AUTS2: variants seen among roughly 807,000 people sequenced by gnomAD.
The protein encoded by AUTS2 is autism susceptibility gene 2 protein.
Under a neutral mutation model 112.4 loss-of-function variants are expected in AUTS2, and 17 were observed. The ratio of observed to expected loss-of-function variants is 0.15; its 90% CI spans 0.10 to 0.23. The LOEUF (loss-of-function observed/expected upper bound fraction) is 0.23. AUTS2 is among the 10% of genes least tolerant of loss of function. AUTS2 has a pLI of 1.00. For missense variants in AUTS2, 1,510 were observed against 1,701.6 expected (o/e 0.89, Z 1.98); for synonymous variants, 751 against 702.7 (o/e 1.07, Z -1.09).
chr7:70,770,265 T>G (rs1419376534), intron 10 of AUTS2, among the ~76,000 whole-genome samples: 1 of 152,220 alleles, frequency 6.6e-6, no homozygotes, highest in Non-Finnish European at 1.5e-5. Flanking sequence ...GTGGATTTAG[T>G]TCAATATCAA....
At chr7:69,732,208 GTACT>G (rs1786828061) in intron 1 of AUTS2, among the ~76,000 whole-genome samples, 1 of 152,052 alleles carries the variant, frequency 6.6e-6, no homozygotes, top group Admixed American at 6.6e-5. Context: ...TGCCTTTAAA[GTACT>G]TACTGCTGCT....
At chr7:70,035,196 A>C (rs1346218212) in intron 2 of AUTS2, among the ~76,000 whole-genome samples, 1 of 152,188 alleles carries the variant, frequency 6.6e-6, no homozygotes, top group Non-Finnish European at 1.5e-5. Flanking sequence ...TGATGATGTG[A>C]GCTGCATGTG....
intron 5 of AUTS2, among the ~76,000 whole-genome samples, chr7:70,490,568 C>G (rs946675502): frequency 6.6e-6 from 1 of 152,122 alleles, no homozygotes; most frequent in Non-Finnish European, 1.5e-5. Flanking sequence ...AGAGTTCCCA[C>G]CGTTGAGTGG....
chr7:70,302,031 C>T (rs1301079091), intron 4 of AUTS2, among the ~76,000 whole-genome samples: 3 of 152,058 alleles, frequency 2.0e-5, no homozygotes, highest in Non-Finnish European at 2.9e-5. Context: ...GCCCACCGCA[C>T]CCAGCTGACA....
In AUTS2 at chr7:70,539,024, G is replaced by A. The variant is rs141138260; in HGVS notation, c.690+103243G>A. 7.2e-5 allele frequency among the ~76,000 whole-genome samples: 11 copies of A among 152,218 alleles called. 1 individual carries two copies. The highest frequency in any genetic ancestry group is 5.8e-4 in the East Asian group (3 of 5,170). The stretch of plus-strand genomic sequence containing the variant: ...TGGTAACATAGCCCCCTCTGGTAAC[G>A]TAGCAGACCACAGAGTGACAGGTGG... On this transcript the variant is annotated intron_variant, in intron 5 of 18. Coordinates refer to ENST00000342771, the MANE Select transcript of AUTS2 (RefSeq NM_015570.4).
At chr7:70,372,349 A>G (rs1792876296) in intron 4 of AUTS2, among the ~76,000 whole-genome samples, 1 of 152,176 alleles carries the variant, frequency 6.6e-6, no homozygotes. Flanking sequence ...GTACTTTTTT[A>G]GGGAACCCGT....
intron 5 of AUTS2, among the ~76,000 whole-genome samples, chr7:70,636,649 A>AT (rs11320215): frequency 4.7e-4 from 64 of 137,632 alleles, no homozygotes; most frequent in Non-Finnish European, 4.9e-4. Flanking sequence ...ACAAAAATAC[A>AT]TTTTTTTTTT....
At chr7:70,730,217 GTT>G (rs35397169) in intron 6 of AUTS2, among the ~76,000 whole-genome samples, 19 of 148,296 alleles carry the variant, frequency 1.3e-4, no homozygotes, top group African/African-American at 4.5e-4. Context: ...AGGACAACCA[GTT>G]TTTTTTTTTG....
chr7:69,789,303 C>G (rs983823450), intron 1 of AUTS2, among the ~76,000 whole-genome samples: 5 of 152,116 alleles, frequency 3.3e-5, no homozygotes, highest in African/African-American at 1.2e-4. Flanking sequence ...CAGACCAATT[C>G]AGTCAGAATC....
At chr7:70,569,148 AG>A (rs1480401237) in intron 5 of AUTS2, among the ~76,000 whole-genome samples, 1 of 152,124 alleles carries the variant, frequency 6.6e-6, no homozygotes, top group East Asian at 1.9e-4. Context: ...TATCAAATGG[AG>A]AGCCTCTTAT....
chr7:69,698,231 A>T (rs1384416146), intron 1 of AUTS2, among the ~76,000 whole-genome samples: 1 of 152,184 alleles, frequency 6.6e-6, no homozygotes, highest in African/African-American at 2.4e-5. Flanking sequence ...ATTGAGTGAC[A>T]TAGTAGTTGT....
chr7:69,939,530 C>CT (rs905582884), intron 2 of AUTS2, among the ~76,000 whole-genome samples: 2 of 152,146 alleles, frequency 1.3e-5, no homozygotes, highest in African/African-American at 4.8e-5. Flanking sequence ...TCATGAAACA[C>CT]TATCTGTGTG....
intron 4 of AUTS2, among the ~76,000 whole-genome samples, chr7:70,394,869 G>A (rs1794015095): frequency 6.6e-6 from 1 of 151,690 alleles, no homozygotes. Flanking sequence ...CCTGCAGCCA[G>A]GAGTTTGAGA....
intron 6 of AUTS2, among the ~76,000 whole-genome samples, chr7:70,713,851 G>A (rs914690333): frequency 3.3e-5 from 5 of 151,608 alleles, no homozygotes; most frequent in Admixed American, 1.3e-4. Context: ...AGCGGAGATC[G>A]CGCCATTGCA....
At chr7:70,612,223 A>G (rs972996327) in intron 5 of AUTS2, among the ~76,000 whole-genome samples, 4 of 152,208 alleles carry the variant, frequency 2.6e-5, no homozygotes, top group African/African-American at 9.6e-5. Flanking sequence ...TGTTTGAACC[A>G]TCTCAGCATC....
chr7:70,234,031 A>G (rs190892381), intron 4 of AUTS2, among the ~76,000 whole-genome samples: 21 of 152,318 alleles, frequency 1.4e-4, no homozygotes, highest in Non-Finnish European at 1.8e-4. Flanking sequence ...GGCTGAAGTC[A>G]TCACACCTGA....
intron 2 of AUTS2, among the ~76,000 whole-genome samples, chr7:69,971,282 G>C (rs1270854674): frequency 6.6e-6 from 1 of 152,164 alleles, no homozygotes; most frequent in Admixed American, 6.5e-5. Context: ...TTTACTGGTA[G>C]TATATGACCT....
chr7:70,617,451 A>G (rs1804433352), intron 5 of AUTS2, among the ~76,000 whole-genome samples: 2 of 152,300 alleles, frequency 1.3e-5, no homozygotes, highest in African/African-American at 4.8e-5. Context: ...TCATGAGGTC[A>G]GGAGATCAAG....
intron 5 of AUTS2, among the ~76,000 whole-genome samples, chr7:70,628,590 A>G (rs954804779): frequency 6.6e-5 from 10 of 151,824 alleles, no homozygotes; most frequent in African/African-American, 2.4e-4. Context: ...CTCCCCCCCA[A>G]AAAATCCAGT....
Sources: gnomAD v4.1 joint callset for allele counts (sites outside exome capture counted in the v4.1 genomes callset) on GRCh38, gnomAD v4.1.1 for gene constraint, MANE v1.5 for transcripts, NCBI Gene and HGNC (gene_info 2026-07-23, HGNC 2026-07-21) for gene names.